Variants in DMBT1 observed in about 807,000 individuals in gnomAD.
DMBT1 encodes scavenger receptor cysteine-rich domain-containing protein DMBT1.
DMBT1 carries 198 observed loss-of-function variants against 252.9 expected under a neutral mutation model. The ratio of observed to expected loss-of-function variants is 0.78; its 90% CI spans 0.70 to 0.88. DMBT1 has a LOEUF of 0.88. Ranked by LOEUF, DMBT1 falls within the 40% of genes least tolerant of loss-of-function variation. DMBT1 has a pLI of 0.00. For missense variants in DMBT1, 2,432 were observed against 2,404.7 expected, an observed-to-expected ratio of 1.01 and a Z score of -0.24; for synonymous variants, 990 against 942.7, an observed-to-expected ratio of 1.05 and a Z score of -0.92.
rs1377423779 is a variant in DMBT1 at position 122,599,344 on chromosome 10, G to A, written c.3280+247G>A. On this transcript the variant is annotated intron_variant, in intron 26 of 55. Transcript: ENST00000338354. ...CTTCCTGAGGGAAGGCAAGGAAGAG[G>A]CAGAAGAGAAAAGTGCTGGCTCCCC... Among the ~76,000 whole-genome samples the A allele has an allele frequency of 3.9e-5, 6 of 152,150 alleles. No homozygotes were observed. The East Asian group carries it at 9.6e-4, about 24-fold the overall frequency.
chr10:122,629,909 C>T lies in DMBT1; in HGVS notation c.5738C>T (p.Ala1913Val), dbSNP rs549305010. 6.2e-7 allele frequency: 1 copy of T among 1,614,026 alleles called. No homozygotes were observed. Among genetic ancestry groups the T allele is most frequent in the South Asian group, 1.1e-5 (1 of 91,084 alleles). ...ACATTCTCCAGCCCATCCTACCCTG[C>T]ATACTACCCCAACAATGCTAAGTGT... ...SGTFSSPSYPAYYPNNAKCVW... is the reference protein window; with the variant it reads ...SGTFSSPSYPVYYPNNAKCVW... Residue 1913 changes from alanine (A) to valine (V), a missense_variant, in exon 47 of 56, where the codon GCA (alanine) becomes GTA (valine). Physicochemically the swap from Ala to Val is moderately conservative, Grantham distance 64. This residue lies in a region of DMBT1 where 1,162 missense variants were observed against 1,169.0 expected (regional missense o/e 0.99). Transcript: ENST00000338354.
At chr10:122,584,496 A>G in intron 14 of DMBT1, 145 bp downstream of exon 14, 1 of 447,538 alleles carries the variant, frequency 2.2e-6, no homozygotes, top group Non-Finnish European at 4.1e-6. Context: ...AGACCCTGGA[A>G]TGGCGCTTCT....
At chr10:122,573,498 G>T (rs571648301) in intron 5 of DMBT1, among the ~76,000 whole-genome samples, 1 of 152,308 alleles carries the variant, frequency 6.6e-6, no homozygotes, top group African/African-American at 2.4e-5. Context: ...GGACATGGGG[G>T]TAGGGTAATA....
intron 19 of DMBT1, among the ~76,000 whole-genome samples, 193 bp downstream of exon 19, chr10:122,591,710 C>G (rs1470374831): frequency 6.8e-6 from 1 of 147,866 alleles, no homozygotes; most frequent in Non-Finnish European, 1.5e-5. Context: ...TGTTGGTGAC[C>G]TATCTCCTGT....
At chr10:122,567,000 C>T (rs78633221) in intron 2 of DMBT1, among the ~76,000 whole-genome samples, 8,752 of 152,274 alleles carry the variant, frequency 0.057, 783 homozygotes, top group African/African-American at 0.19. Context: ...GGCTAAATGT[C>T]CCTGCCTCTC....
At chr10:122,634,151 A>G (rs2098190152) in intron 52 of DMBT1, among the ~76,000 whole-genome samples, 1 of 152,146 alleles carries the variant, frequency 6.6e-6, no homozygotes, top group South Asian at 2.1e-4. Context: ...AAAACAAAAC[A>G]AAACAAAAAG....
chr10:122,622,707 T>A (rs759283087), intron 44 of DMBT1, among the ~76,000 whole-genome samples: 3 of 152,202 alleles, frequency 2.0e-5, no homozygotes, highest in Non-Finnish European at 4.4e-5. Flanking sequence ...CTCTGACGGC[T>A]CAGCCAGAGT....
chr10:122,589,110 A>G lies in DMBT1; in HGVS notation c.1950A>G (p.Ser650=), dbSNP rs1285651273. 1.3e-6 allele frequency: 2 copies of G among 1,588,622 alleles called. No individual in the cohort carries two copies. The highest frequency in any genetic ancestry group is 2.3e-5 in the East Asian group (1 of 42,700). The change falls in exon 17 of 56, where the codon TCA becomes TCG. Residue 650 remains serine, a synonymous_variant. Coordinates refer to ENST00000338354, the MANE Select transcript of DMBT1 (RefSeq NM_001377530.1). ...CRQLGCGWAT[S]APGNARFGQG... ...AGCTGGGCTGTGGCTGGGCCACGTC[A>G]GCCCCAGGAAATGCCCGGTTTGGTC...
chr10:122,624,501 A>G (rs2098100561), intron 44 of DMBT1, among the ~76,000 whole-genome samples: 1 of 152,178 alleles, frequency 6.6e-6, no homozygotes, highest in African/African-American at 2.4e-5. Context: ...TTTAGGAGAT[A>G]CAGGAGAGAG....
chr10:122,642,007 G>T (rs1290689030), intron 55 of DMBT1, among the ~76,000 whole-genome samples: 2 of 152,098 alleles, frequency 1.3e-5, no homozygotes, highest in African/African-American at 4.8e-5. Context: ...CTGTGGCTTC[G>T]CTGTGGCATT....
chr10:122,587,526 T>C (rs1426279618), intron 16 of DMBT1, among the ~76,000 whole-genome samples: 1 of 148,220 alleles, frequency 6.7e-6, no homozygotes, highest in Non-Finnish European at 1.5e-5. Context: ...GATCACAGGC[T>C]GGATATTTTT....
chr10:122,618,666 C>T lies in DMBT1; in HGVS notation c.5215+326C>T, dbSNP rs540083551. Reference sequence around the variant, plus strand: ...GCTGAGTAGCACTGGTTGAGGGTATCGTGGACACAGCACAGATAGCAGGGG... The same window carrying T: ...GCTGAGTAGCACTGGTTGAGGGTATTGTGGACACAGCACAGATAGCAGGGG... On this transcript the variant is annotated intron_variant, in intron 41 of 55. Transcript: ENST00000338354. Among the ~76,000 whole-genome samples the T allele has an allele frequency of 5.8e-4, 89 of 152,308 alleles. 3 individuals are homozygous for T. The highest frequency in any genetic ancestry group is 3.9e-4 in the East Asian group (2 of 5,178).
In DMBT1 at chr10:122,597,291, A is replaced by G. The variant is rs3013246; in HGVS notation, c.2917+237A>G. ...CATGAAGCAGTTTCATACTGTCCCA[A>G]TGGCCAACCCTTAGAGGTTTAGGAA... On this transcript the variant is annotated intron_variant, in intron 24 of 55. Coordinates refer to ENST00000338354, the MANE Select transcript of DMBT1 (RefSeq NM_001377530.1). Among the ~76,000 whole-genome samples, 283 of 152,210 alleles carry G rather than the reference A, an allele frequency of 1.9e-3. 1 individual carries two copies. Among genetic ancestry groups the G allele is most frequent in the East Asian group, 6.2e-3 (32 of 5,182 alleles).
chr10:122,634,221 T>A (rs1180944981), intron 52 of DMBT1, among the ~76,000 whole-genome samples: 2 of 152,156 alleles, frequency 1.3e-5, no homozygotes, highest in Non-Finnish European at 2.9e-5. Context: ...TTCATGTGAG[T>A]TCCCCAGGGG....
Position 122,643,326 on chromosome 10 carries a change from G to A in DMBT1, c.7557G>A (p.Gln2519=), listed in dbSNP as rs1844907032. The A allele has an allele frequency of 3.7e-6, 6 of 1,613,970 alleles. 1 individual carries two copies. The East Asian group carries it at 1.1e-4, about 30-fold the overall frequency. ...LRSKRDVGSY[Q]EKVDVVLGPI... ...CGAAGAGGGATGTGGGCTCCTACCAGGAAAAGGTGGACGTCGTCCTGGGTC... is the reference window on the plus strand; with the variant it reads ...CGAAGAGGGATGTGGGCTCCTACCAAGAAAAGGTGGACGTCGTCCTGGGTC... Residue 2519 remains glutamine (Q), a synonymous_variant, in exon 56 of 56, where the codon CAG becomes CAA. Coordinates refer to ENST00000338354, the MANE Select transcript of DMBT1 (RefSeq NM_001377530.1).
Position 122,617,270 on chromosome 10 carries a change from C to T in DMBT1, c.4891+10C>T, listed in dbSNP as rs762505208. 16 of 1,608,734 alleles carry T rather than the reference C, an allele frequency of 9.9e-6. 1 individual carries two copies. Among genetic ancestry groups the T allele is most frequent in the Non-Finnish European group, 1.3e-5 (15 of 1,178,118 alleles). On this transcript the variant is annotated intron_variant, in intron 40 of 55. Coordinates refer to ENST00000338354, the MANE Select transcript of DMBT1 (RefSeq NM_001377530.1). ...CGTGCATCAACAGCAGGTAAACAATCCTCTCACCCCTCCCTAGGGCTCACT... is the reference window on the plus strand; with the variant it reads ...CGTGCATCAACAGCAGGTAAACAATTCTCTCACCCCTCCCTAGGGCTCACT...
At chr10:122,617,870 A>G (rs2098011846) in intron 40 of DMBT1, 147 bp from the exon 41 acceptor site, 2 of 1,425,612 alleles carry the variant, frequency 1.4e-6, no homozygotes, top group African/African-American at 1.4e-5. Flanking sequence ...CCTATGATAA[A>G]GCTGAACCTC....
chr10:122,588,292 G>A (rs936392661), intron 16 of DMBT1, among the ~76,000 whole-genome samples: 1 of 148,022 alleles, frequency 6.8e-6, no homozygotes, highest in Non-Finnish European at 1.5e-5. Flanking sequence ...TTGAGTGGGA[G>A]GAAGTTGGAG....
intron 16 of DMBT1, among the ~76,000 whole-genome samples, chr10:122,588,137 C>A (rs984033471): frequency 1.3e-5 from 2 of 148,832 alleles, no homozygotes; most frequent in African/African-American, 2.4e-5. Flanking sequence ...ACGTTGCCGA[C>A]CACCACATTA....
Sources: gnomAD v4.1 joint callset for allele counts (sites outside exome capture counted in the v4.1 genomes callset) on GRCh38, gnomAD v4.1.1 for gene constraint, gnomAD v4.1.1 regional missense constraint, MANE v1.5 for transcripts, NCBI Gene and HGNC (gene_info 2026-07-23, HGNC 2026-07-21) for gene names.